Variants in FGF12 observed in about 807,000 individuals in gnomAD.
FGF12 encodes the protein fibroblast growth factor 12B.
In FGF12, 14 loss-of-function variants were observed where a neutral mutation model predicts 23.6. The ratio of observed to expected loss-of-function variants is 0.59; its 90% CI spans 0.39 to 0.93. FGF12 has a LOEUF of 0.93. FGF12 is among the 40% of genes least tolerant of loss of function. The pLI is 0.00. For synonymous variants in FGF12, 62 were observed against 77.3 expected (o/e 0.80, Z 1.04); for missense variants, 175 against 217.8 (o/e 0.80, Z 1.24).
chr3:192,235,302 C>A (rs914220218), intron 4 of FGF12, among the ~76,000 whole-genome samples: 32 of 152,190 alleles, frequency 2.1e-4, no homozygotes, highest in African/African-American at 7.2e-4. Flanking sequence ...TTATCAATTT[C>A]TTCTAGATTT....
Position 192,359,479 on chromosome 3 carries a change from T to C in FGF12, c.124+949A>G, listed in dbSNP as rs1315482983. Among the ~76,000 whole-genome samples, 3 of 152,306 alleles carry C rather than the reference T, an allele frequency of 2.0e-5. No homozygotes were observed. In the East Asian group the frequency reaches 5.8e-4, roughly 29 times the overall value. ...GACAGATATCAGTGAGCATTTATTG[T>C]GTGCTCAACACTAAAGATCTAGCAG... is the stretch of plus-strand genomic sequence containing the variant. On this transcript the variant is annotated intron_variant, in intron 3 of 5. Transcript: ENST00000445105.
At chr3:192,714,763 C>T (rs911365070) in intron 2 of FGF12, among the ~76,000 whole-genome samples, 1 of 152,096 alleles carries the variant, frequency 6.6e-6, no homozygotes, top group Non-Finnish European at 1.5e-5. Context: ...CGTGATCCGC[C>T]CGCCTCGGCC....
intron 2 of FGF12, among the ~76,000 whole-genome samples, chr3:192,719,311 T>C (rs1186599241): frequency 1.3e-5 from 2 of 152,190 alleles, no homozygotes; most frequent in Non-Finnish European, 2.9e-5. Flanking sequence ...CAACCAATGG[T>C]CTCATTTTAA....
At chr3:192,352,603 T>C (rs1308622667) in intron 3 of FGF12, among the ~76,000 whole-genome samples, 1 of 152,230 alleles carries the variant, frequency 6.6e-6, no homozygotes. Context: ...ATGGTCACTG[T>C]GTATGAGCTC....
intron 2 of FGF12, among the ~76,000 whole-genome samples, chr3:192,705,972 G>C (rs1455008314): frequency 6.6e-6 from 1 of 152,186 alleles, no homozygotes; most frequent in Non-Finnish European, 1.5e-5. Flanking sequence ...AAAGTAACTA[G>C]AGAATATATC....
chr3:192,196,477 T>G (rs1239292666), intron 4 of FGF12, among the ~76,000 whole-genome samples: 1 of 152,120 alleles, frequency 6.6e-6, no homozygotes, highest in Non-Finnish European at 1.5e-5. Context: ...CCACTTTTCA[T>G]TTTTTAGCCA....
chr3:192,485,697 C>G (rs1723614012), intron 2 of FGF12, among the ~76,000 whole-genome samples: 1 of 151,894 alleles, frequency 6.6e-6, no homozygotes, highest in South Asian at 2.1e-4. Context: ...AGTCTAATTA[C>G]CCTTAAGTAA....
intron 2 of FGF12, among the ~76,000 whole-genome samples, chr3:192,476,982 T>C (rs1368783441): frequency 6.6e-6 from 1 of 152,102 alleles, no homozygotes; most frequent in Non-Finnish European, 1.5e-5. Flanking sequence ...TTGAGGAATA[T>C]TTACTTACAA....
chr3:192,229,166 T>TAA (rs1560200859), intron 4 of FGF12, among the ~76,000 whole-genome samples: 6 of 144,826 alleles, frequency 4.1e-5, no homozygotes, highest in African/African-American at 1.6e-4. Flanking sequence ...GAATAAAATT[T>TAA]TAAAAAAAAA....
At chr3:192,649,725 T>TTC (rs1716145029) in intron 2 of FGF12, among the ~76,000 whole-genome samples, 2 of 28,082 alleles carry the variant, frequency 7.1e-5, no homozygotes, top group South Asian at 3.0e-3. Context: ...GCCTGGCTAA[T>TTC]TTTTTTTTTA....
chr3:192,460,127 G>C (rs1002331477), intron 2 of FGF12, among the ~76,000 whole-genome samples: 2 of 152,116 alleles, frequency 1.3e-5, no homozygotes, highest in African/African-American at 2.4e-5. Flanking sequence ...TGGGAGGGGG[G>C]AGTTAGGGAA....
At chr3:192,429,623 T>C (rs1225604569) in intron 2 of FGF12, among the ~76,000 whole-genome samples, 1 of 152,060 alleles carries the variant, frequency 6.6e-6, no homozygotes, top group Non-Finnish European at 1.5e-5. Context: ...CCATGAAAAA[T>C]AAGAAAAAAG....
intron 2 of FGF12, among the ~76,000 whole-genome samples, chr3:192,674,521 C>T (rs56048671): frequency 8.5e-5 from 13 of 152,276 alleles, no homozygotes; most frequent in African/African-American, 2.6e-4. Context: ...TCTGAGTACT[C>T]ATTTTCTTCT....
At chr3:192,439,872 G>A (rs1722149256) in intron 2 of FGF12, among the ~76,000 whole-genome samples, 1 of 151,968 alleles carries the variant, frequency 6.6e-6, no homozygotes, top group Admixed American at 6.6e-5. Context: ...AGCTACTTGG[G>A]AGGCTGAGGC....
chr3:192,589,739 G>A (rs1239970829), intron 2 of FGF12, among the ~76,000 whole-genome samples: 1 of 151,838 alleles, frequency 6.6e-6, no homozygotes, highest in Non-Finnish European at 1.5e-5. Flanking sequence ...TCGAAGTAAG[G>A]TCCCCTGGCA....
intron 2 of FGF12, among the ~76,000 whole-genome samples, chr3:192,391,670 T>C (rs1464326666): frequency 1.3e-5 from 2 of 152,208 alleles, no homozygotes; most frequent in African/African-American, 4.8e-5. Context: ...TGAAATACAG[T>C]TTCATAATAG....
intron 2 of FGF12, among the ~76,000 whole-genome samples, chr3:192,718,259 T>C (rs73058266): frequency 9.6e-4 from 145 of 150,732 alleles, no homozygotes; most frequent in African/African-American, 3.5e-3. Context: ...CATATGACTG[T>C]TGTATAAATA....
chr3:192,415,732 T>TCTCTCATA (rs369293180), intron 2 of FGF12, among the ~76,000 whole-genome samples: 2 of 117,948 alleles, frequency 1.7e-5, no homozygotes, highest in East Asian at 2.4e-4. Flanking sequence ...TCTCTCTCTC[T>TCTCTCATA]CACACACACA....
At chr3:192,197,450 C>G (rs181237995) in intron 4 of FGF12, among the ~76,000 whole-genome samples, 1 of 152,214 alleles carries the variant, frequency 6.6e-6, no homozygotes, top group African/African-American at 2.4e-5. Flanking sequence ...GTTGTTATAT[C>G]TCCTTTTTTG....
Sources: gnomAD v4.1 joint callset for allele counts (sites outside exome capture counted in the v4.1 genomes callset) on GRCh38, gnomAD v4.1.1 for gene constraint, MANE v1.5 for transcripts, NCBI Gene and HGNC (gene_info 2026-07-23, HGNC 2026-07-21) for gene names.